Variants in EXD3 observed in about 807,000 individuals in gnomAD.
The protein encoded by EXD3 is exonuclease mut-7 homolog.
EXD3 carries 92 observed loss-of-function variants against 98.0 expected under a neutral mutation model. That is an observed-to-expected ratio of 0.94 (90% CI 0.79 to 1.12). The LOEUF (loss-of-function observed/expected upper bound fraction) is 1.12, where lower values mean the gene tolerates loss of function less well. EXD3 is among the 50% of genes most tolerant of loss of function. The pLI is 0.00. For missense variants in EXD3, 1,222 were observed against 1,191.6 expected, an observed-to-expected ratio of 1.03 and a Z score of -0.38; for synonymous variants, 569 against 526.0, an observed-to-expected ratio of 1.08 and a Z score of -1.12.
chr9:137,332,163 C>T (rs1190757639), intron 17 of EXD3, among the ~76,000 whole-genome samples: 1 of 152,122 alleles, frequency 6.6e-6, no homozygotes, highest in Non-Finnish European at 1.5e-5. Context: ...CCAAACTGCC[C>T]AAAGCAATCT....
chr9:137,355,350 G>T (rs982435136), intron 8 of EXD3, among the ~76,000 whole-genome samples: 1 of 152,106 alleles, frequency 6.6e-6, no homozygotes, highest in Middle Eastern at 3.4e-3. Flanking sequence ...CGACCTTTCA[G>T]GGCCCCACCC....
At chr9:137,308,061 T>C (rs1831142933) in intron 20 of EXD3, among the ~76,000 whole-genome samples, 2 of 152,020 alleles carry the variant, frequency 1.3e-5, no homozygotes, top group Admixed American at 1.3e-4. Flanking sequence ...GCCCAGGGAC[T>C]GCCAGGCTCA....
chr9:137,309,945 T>G lies in EXD3; in HGVS notation c.2185-245A>C, dbSNP rs75972282. Among the ~76,000 whole-genome samples the G allele has an allele frequency of 5.7e-3, 870 of 152,352 alleles. 76 individuals carry two copies. In the East Asian group the frequency reaches 0.14, roughly 25 times the overall value. On this transcript the variant is annotated intron_variant, in intron 19 of 21. Coordinates refer to ENST00000340951, the MANE Select transcript of EXD3 (RefSeq NM_017820.5). ...AAGCCTCTTCTGTTTTTTGAGAACT[T>G]GTGGGACTCTCTGCCCAGCTGCCCT... is the stretch of plus-strand genomic sequence containing the variant.
Position 137,351,944 on chromosome 9 carries a change from C to T in EXD3, c.1173+122G>A, listed in dbSNP as rs1039612637. The T allele has an allele frequency of 1.7e-5, 22 of 1,289,600 alleles. No homozygotes were observed. The East Asian group carries it at 5.6e-4, about 33-fold the overall frequency. 79.9% of individuals were successfully genotyped at this position (1,289,600 alleles called of 1,614,324 possible). A position where few individuals can be genotyped will look rare whatever the true frequency, so the allele number is the denominator to read the frequency against. On this transcript the variant is annotated intron_variant, in intron 12 of 21. Coordinates refer to ENST00000340951, the MANE Select transcript of EXD3 (RefSeq NM_017820.5). ...GGCTGCCCTCACAGCAGCCCTGGGG[C>T]ACCTGGCGGGCTCATGCCCAGAGGC...
intron 19 of EXD3, among the ~76,000 whole-genome samples, chr9:137,313,934 C>T (rs1204427312): frequency 6.6e-6 from 1 of 152,218 alleles, no homozygotes; most frequent in African/African-American, 2.4e-5. Flanking sequence ...ACGGCTAGGA[C>T]TGTGTGCGGA....
chr9:137,361,186 C>T (rs1302915430), intron 7 of EXD3, among the ~76,000 whole-genome samples: 1 of 86,896 alleles, frequency 1.2e-5, no homozygotes, highest in African/African-American at 3.2e-5. Flanking sequence ...TGGGTGCTTC[C>T]CTGAGTTCGC....
In EXD3 at chr9:137,411,707, GGGGGGAGGGGGATGGGT is replaced by G. The variant is rs1427289203; in HGVS notation, c.-48+11390_-48+11406del. Reference sequence around the variant, plus strand: ...GGCGGAGGCGGGGGTGGGGGAGGTTGGGGGGAGGGGGATGGGTGGGGGAGGGGGAGGGGGTGGGGGAG... The same window carrying G: ...GGCGGAGGCGGGGGTGGGGGAGGTTGGGGGGAGGGGGAGGGGGTGGGGGAG... On this transcript the variant is annotated intron_variant, in intron 1 of 21. Coordinates refer to ENST00000340951, the MANE Select transcript of EXD3 (RefSeq NM_017820.5). Among the ~76,000 whole-genome samples the G allele has an allele frequency of 1.1e-3, 153 of 140,640 alleles. 3 individuals are homozygous for G. Among genetic ancestry groups the G allele is most frequent in the Admixed American group, 9.5e-3 (135 of 14,236 alleles). 92.3% of individuals were successfully genotyped at this position (140,640 alleles called of 152,430 possible).
chr9:137,309,582 C>G (rs1271522512), intron 20 of EXD3, 25 bp downstream of exon 20: 2 of 1,541,232 alleles, frequency 1.3e-6, no homozygotes, highest in Non-Finnish European at 1.8e-6. Flanking sequence ...CCCCCAGACC[C>G]AGTGCCTGAC....
At chr9:137,372,018 G>C (rs1317823128) in intron 5 of EXD3, among the ~76,000 whole-genome samples, 1 of 152,110 alleles carries the variant, frequency 6.6e-6, no homozygotes, top group Non-Finnish European at 1.5e-5. Context: ...TGCTAGACCT[G>C]GTCTTCCTCT....
rs756765212 is a variant in EXD3 at position 137,395,373 on chromosome 9, G to A, written c.-16C>T. ...CTGGGTCCATCCTCAGGGCCGGGCC[G>A]AGGACGCTGGCAGGCAGCTAGGAAC... is the stretch of plus-strand genomic sequence containing the variant. On this transcript the variant is annotated 5_prime_UTR_variant, in exon 2 of 22. Transcript: ENST00000340951. This position sits in a 1 kb window ranked among gnomAD's most constrained non-coding sequence, Gnocchi z 6.5. 2.1e-5 allele frequency: 34 copies of A among 1,613,300 alleles called. No individual in the cohort carries two copies. Among genetic ancestry groups the A allele is most frequent in the East Asian group, 4.5e-5 (2 of 44,874 alleles).
chr9:137,309,846 A>G (rs1466302084), intron 19 of EXD3, 146 bp from the exon 20 acceptor site: 12 of 637,886 alleles, frequency 1.9e-5, no homozygotes, highest in Admixed American at 7.4e-5. Context: ...CCCCACGCAT[A>G]GTCCTGTGGG....
chr9:137,308,309 C>G (rs868310786), intron 20 of EXD3, among the ~76,000 whole-genome samples: 2 of 152,162 alleles, frequency 1.3e-5, no homozygotes, highest in Non-Finnish European at 2.9e-5. Context: ...CAGCTGCGGC[C>G]GGGGATGAAT....
chr9:137,326,645 A>T (rs1417393684), intron 17 of EXD3, among the ~76,000 whole-genome samples: 1 of 152,208 alleles, frequency 6.6e-6, no homozygotes, highest in Non-Finnish European at 1.5e-5. Flanking sequence ...CATGCAAATA[A>T]AAACCACAGT....
intron 1 of EXD3, among the ~76,000 whole-genome samples, chr9:137,400,042 A>G (rs954553699): frequency 2.0e-5 from 3 of 151,972 alleles, no homozygotes; most frequent in Non-Finnish European, 4.4e-5. Context: ...AAAAAAAAAA[A>G]AAAAAAGAAA....
At chr9:137,416,801 T>C (rs1315981176) in intron 1 of EXD3, among the ~76,000 whole-genome samples, 2 of 150,762 alleles carry the variant, frequency 1.3e-5, no homozygotes, top group African/African-American at 4.9e-5. Flanking sequence ...CCTGGGGCTG[T>C]CGCGAGCTCG....
intron 17 of EXD3, among the ~76,000 whole-genome samples, chr9:137,345,199 C>T (rs902028782): frequency 6.6e-6 from 1 of 152,290 alleles, no homozygotes; most frequent in Non-Finnish European, 1.5e-5. Flanking sequence ...TCCTCACATC[C>T]TCTGGGCTCT....
intron 3 of EXD3, among the ~76,000 whole-genome samples, chr9:137,381,670 C>G (rs1371500325): frequency 6.6e-6 from 1 of 152,190 alleles, no homozygotes; most frequent in Non-Finnish European, 1.5e-5. Flanking sequence ...CCCATTGCCC[C>G]CTTTATACTG....
At chr9:137,416,353 T>C (rs1194079631) in intron 1 of EXD3, among the ~76,000 whole-genome samples, 1 of 152,150 alleles carries the variant, frequency 6.6e-6, no homozygotes, top group Non-Finnish European at 1.5e-5. Flanking sequence ...TATCTCCATG[T>C]CACACAGCCT....
Position 137,354,681 on chromosome 9 carries a change from C to T in EXD3, c.831+19G>A, listed in dbSNP as rs761009808. The T allele has an allele frequency of 2.2e-5, 36 of 1,609,828 alleles. No individual in the cohort carries two copies. The highest frequency in any genetic ancestry group is 2.9e-5 in the Non-Finnish European group (34 of 1,179,662). The stretch of plus-strand genomic sequence containing the variant: ...AGGCCGCGGCTGGCTGCCCCCAGGA[C>T]CCCCTCCTGCTCACGAACCTCCACA... On this transcript the variant is annotated intron_variant, in intron 9 of 21. Coordinates refer to ENST00000340951, the MANE Select transcript of EXD3 (RefSeq NM_017820.5).
Sources: gnomAD v4.1 joint callset for allele counts (sites outside exome capture counted in the v4.1 genomes callset) on GRCh38, gnomAD v4.1.1 for gene constraint, Gnocchi (gnomAD v3.1) non-coding constraint, MANE v1.5 for transcripts, NCBI Gene and HGNC (gene_info 2026-07-23, HGNC 2026-07-21) for gene names.